WDR41: variants seen among roughly 807,000 people sequenced by gnomAD.
WDR41 encodes the protein WD repeat domain 41.
WDR41 carries 63 observed loss-of-function variants against 69.3 expected under a neutral mutation model. The ratio of observed to expected loss-of-function variants is 0.91; its 90% CI spans 0.74 to 1.12. The LOEUF is 1.12. Ranked by LOEUF, WDR41 falls within the 50% of genes most tolerant of loss-of-function variation. The pLI, the probability that WDR41 is intolerant of heterozygous loss-of-function variation, is 0.00. For synonymous variants in WDR41, 185 were observed against 192.1 expected (o/e 0.96, Z 0.31); for missense variants, 543 against 534.5 (o/e 1.02, Z -0.16).
chr5:77,505,323 A>G (rs1385247684), intron 1 of WDR41, among the ~76,000 whole-genome samples: 2 of 152,204 alleles, frequency 1.3e-5, no homozygotes, highest in Non-Finnish European at 2.9e-5. Context: ...CTTACAAGGG[A>G]TGTGAAGGAC....
intron 8 of WDR41, 35 bp from the exon 9 acceptor site, chr5:77,441,032 A>G: frequency 6.2e-7 from 1 of 1,603,958 alleles, no homozygotes; most frequent in Non-Finnish European, 8.5e-7. Context: ...ATTATCGATC[A>G]TTTTATCTAT....
intron 1 of WDR41, among the ~76,000 whole-genome samples, chr5:77,535,805 CA>C (rs1742962372): frequency 6.6e-6 from 1 of 152,166 alleles, no homozygotes; most frequent in Non-Finnish European, 1.5e-5. Context: ...AGCTCAACAG[CA>C]GAAGTTTAAA....
chr5:77,489,532 T>A lies in WDR41; in HGVS notation c.92A>T (p.Asn31Ile), dbSNP rs1801673015. 6.2e-7 allele frequency: 1 copy of A among 1,607,078 alleles called. No homozygotes were observed. The highest frequency in any genetic ancestry group is 8.5e-7 in the Non-Finnish European group (1 of 1,177,794). The stretch of plus-strand genomic sequence containing the variant: ...CAGTACTAGCAGTTCAGTGTAGGGA[T>A]TCTGGGTTTGTTCTTCACCTATTGT... ...LQTIGEEQTQNPYTELLVLKA... is the reference protein window; with the variant it reads ...LQTIGEEQTQIPYTELLVLKA... The change falls in exon 2 of 13, where the codon AAT (asparagine) becomes ATT (isoleucine). Residue 31 changes from asparagine (N) to isoleucine (I), a missense_variant. Coordinates refer to ENST00000296679, the MANE Select transcript of WDR41 (RefSeq NM_018268.4).
chr5:77,550,784 A>G (rs1430724059), intron 1 of WDR41, among the ~76,000 whole-genome samples: 1 of 152,218 alleles, frequency 6.6e-6, no homozygotes, highest in African/African-American at 2.4e-5. Context: ...ACATGTACTC[A>G]TATGTTCATC....
chr5:77,530,623 G>A (rs1172804549), intron 1 of WDR41, among the ~76,000 whole-genome samples: 1 of 151,592 alleles, frequency 6.6e-6, no homozygotes, highest in Non-Finnish European at 1.5e-5. Flanking sequence ...ATTCATGGAG[G>A]AATATCCTTG....
intron 1 of WDR41, among the ~76,000 whole-genome samples, chr5:77,508,370 T>C (rs1802146390): frequency 6.6e-6 from 1 of 152,206 alleles, no homozygotes; most frequent in African/African-American, 2.4e-5. Flanking sequence ...TGCCTGGTTC[T>C]CCCAAAGTGC....
intron 1 of WDR41, among the ~76,000 whole-genome samples, chr5:77,584,628 C>A (rs899534432): frequency 1.3e-5 from 2 of 152,102 alleles, no homozygotes; most frequent in African/African-American, 4.8e-5. Context: ...GGGGAAAGGA[C>A]ACCCTTTCCA....
upstream of WDR41, among the ~76,000 whole-genome samples, chr5:77,495,886 A>T (rs960089357): frequency 3.9e-5 from 6 of 152,084 alleles, no homozygotes; most frequent in Non-Finnish European, 8.8e-5. Flanking sequence ...TTATCACATT[A>T]AATCCAACAG....
At chr5:77,603,127 G>A (rs901488793) in intron 1 of WDR41, among the ~76,000 whole-genome samples, 2 of 151,838 alleles carry the variant, frequency 1.3e-5, no homozygotes, top group African/African-American at 4.8e-5. Flanking sequence ...TATTAGAGAC[G>A]GGATTTCACC....
At chr5:77,551,022 C>T (rs568265127) in intron 1 of WDR41, among the ~76,000 whole-genome samples, 17 of 152,144 alleles carry the variant, frequency 1.1e-4, no homozygotes, top group Middle Eastern at 6.8e-3. Flanking sequence ...GACATAAAAA[C>T]GGGAACAATA....
At chr5:77,571,676 C>T (rs563697856) in intron 1 of WDR41, among the ~76,000 whole-genome samples, 2 of 152,240 alleles carry the variant, frequency 1.3e-5, no homozygotes, top group African/African-American at 4.8e-5. Flanking sequence ...ATTCTTAGCT[C>T]ACAGAGAGCA....
intron 1 of WDR41, among the ~76,000 whole-genome samples, chr5:77,504,307 T>A (rs1802071405): frequency 6.6e-6 from 1 of 152,092 alleles, no homozygotes; most frequent in South Asian, 2.1e-4. Context: ...ACATACACCC[T>A]CCCAAGACTA....
intron 2 of WDR41, among the ~76,000 whole-genome samples, chr5:77,486,530 C>T (rs1801530290): frequency 2.0e-5 from 3 of 152,220 alleles, no homozygotes. Flanking sequence ...TCCTAACTTG[C>T]TTTGGCTGAC....
intron 12 of WDR41, among the ~76,000 whole-genome samples, chr5:77,434,247 G>A (rs1798848870): frequency 6.6e-6 from 1 of 152,084 alleles, no homozygotes; most frequent in African/African-American, 2.4e-5. Flanking sequence ...GGAGGTAGAG[G>A]TTGCAGTGAG....
chr5:77,454,629 C>A (rs1799756419), intron 5 of WDR41, among the ~76,000 whole-genome samples: 1 of 152,066 alleles, frequency 6.6e-6, no homozygotes. Flanking sequence ...CCATATAAGC[C>A]CTTTACCTTT....
Position 77,511,478 on chromosome 5 carries a change from T to TGA in WDR41, c.43-21907_43-21906insTC, listed in dbSNP as rs1407609560. 1.3e-5 allele frequency among the ~76,000 whole-genome samples: 2 copies of TGA among 152,216 alleles called. 1 individual carries two copies. Among genetic ancestry groups the TGA allele is most frequent in the Admixed American group, 1.3e-4 (2 of 15,284 alleles). On this transcript the variant is annotated intron_variant, in intron 1 of 5. Coordinates refer to the WDR41 transcript ENST00000509971. Reference sequence around the variant, plus strand: ...GTGATGACAGAAATCCACCATAACATATTCCATTGTCTGAATTAGCTTCAG... The same window carrying TGA: ...GTGATGACAGAAATCCACCATAACATGAATTCCATTGTCTGAATTAGCTTCAG...
At chr5:77,472,598 G>A (rs1387405639) in intron 2 of WDR41, among the ~76,000 whole-genome samples, 2 of 151,980 alleles carry the variant, frequency 1.3e-5, no homozygotes, top group African/African-American at 4.8e-5. Flanking sequence ...AAATCAATGT[G>A]CAAAAATCAC....
At position 77,560,882 on chromosome 5, in the gene WDR41, C is replaced by T. The variant is rs112650059; in HGVS notation, c.42+59597G>A. 7.0e-3 allele frequency among the ~76,000 whole-genome samples: 1,064 copies of T among 152,238 alleles called. 19 individuals carry two copies. Among genetic ancestry groups the T allele is most frequent in the African/African-American group, 0.022 (922 of 41,550 alleles). ...GCAGATGGCATTCTTCCATTACATA[C>T]ATTCCTGCTGGATTGCTTTGCATTT... On this transcript the variant is annotated intron_variant, in intron 1 of 5. Coordinates refer to the WDR41 transcript ENST00000509971.
intron 8 of WDR41, among the ~76,000 whole-genome samples, chr5:77,443,928 G>A (rs1284354977): frequency 2.1e-5 from 3 of 141,106 alleles, no homozygotes; most frequent in Non-Finnish European, 4.5e-5. Context: ...TGTCACCCAG[G>A]CTGGAGTACA....
Sources: allele counts gnomAD v4.1 joint callset (sites outside exome capture counted in the v4.1 genomes callset), GRCh38; gene constraint gnomAD v4.1.1; transcripts MANE v1.5; gene names NCBI Gene and HGNC (gene_info 2026-07-23, HGNC 2026-07-21).